The following G3BP2 variants were observed in gnomAD, a reference collection of about 807,000 sequenced individuals.
G3BP2 encodes ras GTPase-activating protein-binding protein 2.
Under a neutral mutation model 56.7 loss-of-function variants are expected in G3BP2, and 11 were observed. That is an observed-to-expected ratio of 0.19 (90% CI 0.12 to 0.32). The LOEUF is 0.32. Ranked by LOEUF, G3BP2 falls within the 10% of genes least tolerant of loss-of-function variation. The pLI is 1.00. For synonymous variants in G3BP2, 165 were observed against 191.6 expected (o/e 0.86, Z 1.15); for missense variants, 340 against 610.9 (o/e 0.56, Z 4.67).
intron 8 of G3BP2, among the ~76,000 whole-genome samples, chr4:75,650,583 A>G (rs1731617717): frequency 6.6e-6 from 1 of 152,078 alleles, no homozygotes; most frequent in African/African-American, 2.4e-5. Flanking sequence ...TCAATGTCCT[A>G]TTTCCCTCAA....
rs1354455380 is a variant in G3BP2, at chr4:75,643,364, C to T, written c.*2066G>A. 4 of 138,960 alleles carry T rather than the reference C, an allele frequency of 2.9e-5. No homozygotes were observed. Among genetic ancestry groups the T allele is most frequent in the Non-Finnish European group, 6.2e-5 (4 of 64,378 alleles). The allele number at this position is 138,960 out of a possible 1,614,324, so 8.6% of individuals were successfully genotyped here. A position where few individuals can be genotyped will look rare whatever the true frequency, so the allele number is the denominator to read the frequency against. On this transcript the variant is annotated 3_prime_UTR_variant, in exon 12 of 12. Coordinates refer to ENST00000359707, the MANE Select transcript of G3BP2 (RefSeq NM_203505.3). ...ATGCTTGGGGGAAAAAAAACATTGA[C>T]AATAAAACAACTGCTTCTTTAAAAG...
chr4:75,680,945 C>T (rs948772004), intron 3 of G3BP2, among the ~76,000 whole-genome samples: 6 of 142,530 alleles, frequency 4.2e-5, no homozygotes, highest in Admixed American at 7.2e-5. Flanking sequence ...TCCACCCTGG[C>T]GACAGAGCAA....
upstream of G3BP2, among the ~76,000 whole-genome samples, chr4:75,677,967 T>C (rs113074183): frequency 6.6e-6 from 1 of 152,178 alleles, no homozygotes; most frequent in Non-Finnish European, 1.5e-5. Context: ...AGGGAGTTCA[T>C]TAGTCTCTTT....
At chr4:75,677,724 T>G (rs1038977278), upstream of G3BP2, among the ~76,000 whole-genome samples, 1 of 152,228 alleles carries the variant, frequency 6.6e-6, no homozygotes, top group Non-Finnish European at 1.5e-5. Context: ...GTGTCTTTAC[T>G]CACCATGTTT....
At position 75,719,100 on chromosome 4, in the gene G3BP2, G is replaced by A. The variant is rs995929641; in HGVS notation, c.-25+1777C>T. Among the ~76,000 whole-genome samples the A allele has an allele frequency of 4.6e-5, 7 of 152,072 alleles. No individual in the cohort carries two copies. The South Asian group carries it at 8.3e-4, about 18-fold the overall frequency. ...ACCGTGGCTCACGCCTGTAATCCCA[G>A]CACTTTGGGAGGCCGAGGCGGGCGG... On this transcript the variant is annotated intron_variant, in intron 3 of 3. Coordinates refer to the G3BP2 transcript ENST00000499709.
At chr4:75,662,164 G>C in intron 1 of G3BP2, 115 bp from the exon 2 acceptor site, 1 of 610,304 alleles carries the variant, frequency 1.6e-6, no homozygotes, top group Non-Finnish European at 3.0e-6. Flanking sequence ...ACCAATTTTA[G>C]TGACACTAAT....
Position 75,657,727 on chromosome 4 carries a change from T to C in G3BP2, c.181A>G (p.Ile61Val). ...PQEAVYGQND[I>V]HHKVLSLNFS... ...TTCAGAGATAATACTTTGTGGTGTA[T>C]ATCCTTTATTAGGGAGGGAGGGAAA... The change falls in exon 4 of 12, where the codon ATA (isoleucine) becomes GTA (valine). Residue 61 changes from isoleucine to valine, a missense_variant. Transcript: ENST00000359707. 1 of 1,601,862 alleles carries C rather than the reference T, an allele frequency of 6.2e-7. No homozygotes were observed. Among genetic ancestry groups the C allele is most frequent in the Non-Finnish European group, 8.5e-7 (1 of 1,170,560 alleles).
intron 3 of G3BP2, among the ~76,000 whole-genome samples, chr4:75,716,059 G>A (rs1560424815): frequency 1.3e-5 from 2 of 152,156 alleles, no homozygotes; most frequent in Non-Finnish European, 1.5e-5. Context: ...TAGGACTAGG[G>A]TCTAGGTCAC....
chr4:75,647,231 A>T, intron 9 of G3BP2, 74 bp from the exon 10 acceptor site: 3 of 934,290 alleles, frequency 3.2e-6, no homozygotes, highest in Non-Finnish European at 4.8e-6. Flanking sequence ...GAATGTAAAA[A>T]TCACTTAATA....
Position 75,658,861 on chromosome 4 carries a change from T to C in G3BP2, c.159A>G (p.Glu53=), listed in dbSNP as rs1732323741. 2.5e-6 allele frequency: 4 copies of C among 1,610,674 alleles called. No individual in the cohort carries two copies. The African/African-American group carries it at 5.3e-5, about 22-fold the overall frequency. Residue 53 remains glutamate, a synonymous_variant, in exon 3 of 12, where the codon GAA becomes GAG. Coordinates refer to ENST00000359707, the MANE Select transcript of G3BP2 (RefSeq NM_203505.3). ...TACTTACATTTTGGCCATAAACAGCTTCCTGGGGCTTTCCACTAGCATCTA... is the reference window on the plus strand; with the variant it reads ...TACTTACATTTTGGCCATAAACAGCCTCCTGGGGCTTTCCACTAGCATCTA... ...GGVDASGKPQ[E]AVYGQNDIHH...
intron 9 of G3BP2, among the ~76,000 whole-genome samples, chr4:75,648,356 AC>A (rs35683407): frequency 0.71 from 94,783 of 134,236 alleles, 32,679 homozygotes; most frequent in East Asian, 0.89. Context: ...CAAAAAAAAA[AC>A]AAACAAACAA....
At chr4:75,676,661 T>C, upstream of G3BP2, among the ~76,000 whole-genome samples, 1 of 152,236 alleles carries the variant, frequency 6.6e-6, no homozygotes, top group East Asian at 1.9e-4. Context: ...ATACTTTGCA[T>C]CACTGTTACT....
At chr4:75,648,824 G>T in intron 8 of G3BP2, 83 bp from the exon 9 acceptor site, 1 of 735,526 alleles carries the variant, frequency 1.4e-6, no homozygotes. Context: ...CAAGTCACTA[G>T]CAGACATAAC....
intron 9 of G3BP2, among the ~76,000 whole-genome samples, chr4:75,647,802 A>G (rs959316845): frequency 4.6e-5 from 7 of 152,222 alleles, no homozygotes; most frequent in Non-Finnish European, 7.3e-5. Context: ...GTTTGGTAAC[A>G]TATCACTTTA....
At chr4:75,688,504 G>C (rs548391176) in intron 3 of G3BP2, among the ~76,000 whole-genome samples, 1 of 152,158 alleles carries the variant, frequency 6.6e-6, no homozygotes, top group Non-Finnish European at 1.5e-5. Flanking sequence ...AGTTGGCCTC[G>C]ATCAAAGATA....
chr4:75,704,458 C>T (rs1719467325), intron 3 of G3BP2, among the ~76,000 whole-genome samples: 1 of 151,566 alleles, frequency 6.6e-6, no homozygotes, highest in Admixed American at 6.6e-5. Context: ...GCTGGGACCA[C>T]AGGCTTGAGC....
intron 3 of G3BP2, among the ~76,000 whole-genome samples, chr4:75,712,764 CT>C (rs1300265391): frequency 6.6e-6 from 1 of 151,632 alleles, no homozygotes; most frequent in African/African-American, 2.4e-5. Flanking sequence ...TTGAATCAGG[CT>C]TTTTACTTAA....
chr4:75,672,967 C>T (rs1733616738), intron 1 of G3BP2: 6 of 984,336 alleles, frequency 6.1e-6, no homozygotes, highest in Non-Finnish European at 6.0e-6. Flanking sequence ...GCCCTCTGCC[C>T]GCAAGACGCT....
chr4:75,653,601 A>AC (rs528490452), intron 8 of G3BP2, among the ~76,000 whole-genome samples: 296 of 151,156 alleles, frequency 2.0e-3, no homozygotes, highest in African/African-American at 6.7e-3. Flanking sequence ...AAAAAAAAAA[A>AC]AAAAACAAAA....
Sources: allele counts gnomAD v4.1 joint callset (sites outside exome capture counted in the v4.1 genomes callset), GRCh38; gene constraint gnomAD v4.1.1; transcripts MANE v1.5; gene names NCBI Gene and HGNC (gene_info 2026-07-23, HGNC 2026-07-21).